The following ZFPM2 variants were observed in gnomAD, a reference collection of about 807,000 sequenced individuals.
ZFPM2 encodes the protein zinc finger protein ZFPM2.
A neutral mutation model predicts 98.6 loss-of-function variants in ZFPM2; 20 were observed. That is an observed-to-expected ratio of 0.20 (90% CI 0.14 to 0.29). The LOEUF (loss-of-function observed/expected upper bound fraction) is 0.29. Among genes scored for constraint, ZFPM2 ranks in the 10% least tolerant of loss-of-function variants. The pLI is 1.00. For missense variants in ZFPM2, 1,310 were observed against 1,388.6 expected (o/e 0.94, Z 0.90); for synonymous variants, 518 against 502.7 (o/e 1.03, Z -0.41).
intron 3 of ZFPM2, among the ~76,000 whole-genome samples, chr8:105,468,723 C>A (rs1403563862): frequency 2.0e-5 from 3 of 152,182 alleles, no homozygotes; most frequent in African/African-American, 7.2e-5. Flanking sequence ...ATATGCGGCA[C>A]TGTGCCAGAC....
intron 5 of ZFPM2, among the ~76,000 whole-genome samples, chr8:105,725,196 A>C (rs1481159490): frequency 6.6e-6 from 1 of 151,752 alleles, no homozygotes; most frequent in Non-Finnish European, 1.5e-5. Flanking sequence ...GTTTCCTTAA[A>C]ATTATTCCTT....
At chr8:105,587,181 G>A (rs1159124111) in intron 4 of ZFPM2, among the ~76,000 whole-genome samples, 3 of 151,056 alleles carry the variant, frequency 2.0e-5, no homozygotes, top group Non-Finnish European at 4.4e-5. Context: ...GGAGGCTGAG[G>A]CAGGAGAATG....
chr8:105,586,057 A>G lies in ZFPM2; in HGVS notation c.420+24576A>G, dbSNP rs555628855. ...TGTGTGTGTATGCACACGTGCTTCT[A>G]TGTTGTAGAAGGCAGGAAATGGGGA... On this transcript the variant is annotated intron_variant, in intron 4 of 7. Coordinates refer to ENST00000407775, the MANE Select transcript of ZFPM2 (RefSeq NM_012082.4). 5.3e-4 allele frequency among the ~76,000 whole-genome samples: 80 copies of G among 149,750 alleles called. No individual in the cohort carries two copies. The South Asian group carries it at 0.016, about 30-fold the overall frequency.
chr8:105,623,338 C>A (rs1816592183), intron 4 of ZFPM2, among the ~76,000 whole-genome samples: 1 of 152,118 alleles, frequency 6.6e-6, no homozygotes, highest in East Asian at 1.9e-4. Context: ...CTAGTTTTGC[C>A]ATAGACTTCT....
At chr8:105,751,196 T>C (rs1812467859) in intron 5 of ZFPM2, among the ~76,000 whole-genome samples, 3 of 152,130 alleles carry the variant, frequency 2.0e-5, no homozygotes, top group African/African-American at 7.2e-5. Flanking sequence ...ATTTCTACCT[T>C]TACAAACTGT....
At chr8:105,655,253 C>CA in intron 5 of ZFPM2, among the ~76,000 whole-genome samples, 1 of 100,232 alleles carries the variant, frequency 1.0e-5, no homozygotes, top group South Asian at 3.5e-4. Context: ...TTTTTTGAGA[C>CA]AGAGTTTCGC....
intron 3 of ZFPM2, among the ~76,000 whole-genome samples, chr8:105,484,450 A>T (rs1813188649): frequency 6.6e-6 from 1 of 152,096 alleles, no homozygotes; most frequent in South Asian, 2.1e-4. Flanking sequence ...GTGATTTGTT[A>T]TACCCTTATG....
intron 5 of ZFPM2, among the ~76,000 whole-genome samples, chr8:105,749,015 T>A (rs1424069165): frequency 1.3e-5 from 2 of 152,082 alleles, no homozygotes. Flanking sequence ...ATCCATACTG[T>A]TGGAGACATT....
At chr8:105,377,672 C>T (rs1012993024) in intron 1 of ZFPM2, among the ~76,000 whole-genome samples, 8 of 148,992 alleles carry the variant, frequency 5.4e-5, no homozygotes, top group African/African-American at 1.5e-4. Flanking sequence ...CCCAGCTACT[C>T]GAGAGGCTGA....
chr8:105,598,867 A>G (rs529381830), intron 4 of ZFPM2, among the ~76,000 whole-genome samples: 3 of 152,174 alleles, frequency 2.0e-5, no homozygotes, highest in African/African-American at 7.2e-5. Context: ...TATGAAGTCC[A>G]CTAATGCATT....
chr8:105,319,375 G>T (rs1811975007), intron 1 of ZFPM2, among the ~76,000 whole-genome samples: 1 of 152,166 alleles, frequency 6.6e-6, no homozygotes, highest in African/African-American at 2.4e-5. Flanking sequence ...ACTACTCTTG[G>T]GAACCACTTT....
At chr8:105,398,673 C>G (rs537818605) in intron 1 of ZFPM2, among the ~76,000 whole-genome samples, 1 of 152,236 alleles carries the variant, frequency 6.6e-6, no homozygotes, top group Admixed American at 6.5e-5. Context: ...GAATTTAAGG[C>G]TGCCACTGAT....
chr8:105,680,604 A>G (rs1223077149), intron 5 of ZFPM2, among the ~76,000 whole-genome samples: 2 of 152,112 alleles, frequency 1.3e-5, no homozygotes, highest in Non-Finnish European at 2.9e-5. Flanking sequence ...TTTATTTTGT[A>G]TGTGATAAAA....
chr8:105,409,516 T>A (rs1586351917), intron 1 of ZFPM2, among the ~76,000 whole-genome samples: 1 of 152,042 alleles, frequency 6.6e-6, no homozygotes. Flanking sequence ...CTGCCACTTA[T>A]CAGGATTTGT....
chr8:105,406,966 A>G (rs1811472770), intron 1 of ZFPM2, among the ~76,000 whole-genome samples: 4 of 151,938 alleles, frequency 2.6e-5, no homozygotes, highest in Admixed American at 2.6e-4. Flanking sequence ...TGACTGCAAG[A>G]TAGAACAGTG....
At chr8:105,537,999 A>G (rs575359632) in intron 3 of ZFPM2, among the ~76,000 whole-genome samples, 12 of 152,114 alleles carry the variant, frequency 7.9e-5, no homozygotes, top group African/African-American at 2.9e-4. Context: ...CAAAGTGTAT[A>G]ATATCTTTTT....
At chr8:105,389,799 C>A (rs1355098275) in intron 1 of ZFPM2, among the ~76,000 whole-genome samples, 1 of 152,076 alleles carries the variant, frequency 6.6e-6, no homozygotes, top group Non-Finnish European at 1.5e-5. Context: ...GAAGAATAAT[C>A]TAAAAGCAGC....
intron 3 of ZFPM2, among the ~76,000 whole-genome samples, chr8:105,533,448 C>T (rs1407594899): frequency 6.6e-6 from 1 of 151,974 alleles, no homozygotes; most frequent in Non-Finnish European, 1.5e-5. Context: ...GGGCAATCTT[C>T]AGAAAACAAT....
chr8:105,495,164 A>T (rs748460456), intron 3 of ZFPM2, among the ~76,000 whole-genome samples: 1 of 152,198 alleles, frequency 6.6e-6, no homozygotes, highest in Non-Finnish European at 1.5e-5. Flanking sequence ...AAAGCCTTGA[A>T]CATCTTGTTT....
Sources: allele counts gnomAD v4.1 joint callset (sites outside exome capture counted in the v4.1 genomes callset), GRCh38; gene constraint gnomAD v4.1.1; transcripts MANE v1.5; gene names NCBI Gene and HGNC (gene_info 2026-07-23, HGNC 2026-07-21).